Variants in OTOGL observed in about 807,000 individuals in gnomAD.
The protein encoded by OTOGL is otogelin-like protein.
OTOGL carries 285 observed loss-of-function variants against 318.5 expected under a neutral mutation model. The observed-to-expected ratio is 0.89, with a 90% CI of 0.81 to 0.99. The LOEUF is 0.99. Among genes scored for constraint, OTOGL ranks in the 50% least tolerant of loss-of-function variants. The probability of loss-of-function intolerance (pLI) is 0.00; values close to 1 mark genes in which losing one functional copy is unlikely to be tolerated. For synonymous variants in OTOGL, 987 were observed against 936.5 expected, an observed-to-expected ratio of 1.05 and a Z score of -0.99; for missense variants, 2,899 against 2,845.6, an observed-to-expected ratio of 1.02 and a Z score of -0.43.
At chr12:80,112,964 T>C (rs959270121) in intron 1 of OTOGL, among the ~76,000 whole-genome samples, 1 of 152,174 alleles carries the variant, frequency 6.6e-6, no homozygotes, top group African/African-American at 2.4e-5. Context: ...GGATTTGACT[T>C]CTTCCTGGTT....
At chr12:80,337,483 G>C (rs1300502134) in intron 42 of OTOGL, among the ~76,000 whole-genome samples, 2 of 151,854 alleles carry the variant, frequency 1.3e-5, no homozygotes, top group Non-Finnish European at 2.9e-5. Flanking sequence ...AGAAAAATAT[G>C]AAAAAATATT....
chr12:80,258,240 C>T (rs886545338), intron 18 of OTOGL, among the ~76,000 whole-genome samples: 4 of 152,066 alleles, frequency 2.6e-5, no homozygotes, highest in African/African-American at 7.2e-5. Context: ...ACTTAGCTCA[C>T]ATGTAGTGGA....
intron 19 of OTOGL, among the ~76,000 whole-genome samples, chr12:80,262,765 G>T (rs1317789444): frequency 6.6e-6 from 1 of 152,054 alleles, no homozygotes; most frequent in Non-Finnish European, 1.5e-5. Context: ...AGATACACAT[G>T]TATATATTCA....
intron 14 of OTOGL, 134 bp from the exon 15 acceptor site, chr12:80,254,390 C>T: frequency 4.4e-6 from 2 of 456,258 alleles, no homozygotes; most frequent in Admixed American, 4.1e-5. Context: ...TTATTTTTTG[C>T]AGAGATTTTT....
Position 80,336,476 on chromosome 12 carries a change from A to C in OTOGL, c.4664A>C (p.Tyr1555Ser). ...TTTGATGGAAACAACGCAGCATTAT[A>C]TAGCATGGCTTCTTATATCTTAGTA... is the stretch of plus-strand genomic sequence containing the variant. ...ITFDGNNAALYSMASYILVRI... is the reference protein window; with the variant it reads ...ITFDGNNAALSSMASYILVRI... The change falls in exon 40 of 59, where the codon TAT (tyrosine) becomes TCT (serine). Residue 1555 changes from tyrosine (Y) to serine (S), a missense_variant. Coordinates refer to ENST00000547103, the MANE Select transcript of OTOGL (RefSeq NM_001378609.3). The C allele has an allele frequency of 6.2e-7, 1 of 1,609,174 alleles. No individual in the cohort carries two copies. The highest frequency in any genetic ancestry group is 1.1e-5 in the South Asian group (1 of 90,888).
rs1453559041 is a variant in OTOGL at position 80,336,001 on chromosome 12, C to T, written c.4461C>T (p.Tyr1487=). The change falls in exon 39 of 59, where the codon TAC becomes TAT. Residue 1487 remains tyrosine (Y), a synonymous_variant. Transcript: ENST00000547103. ...ATCCTGTTTATGATTGTAGCCAATA[C>T]ATATGCCTTAATATGGAATGGCAGT... The part of the protein sequence containing the change: ...KFDPVYDCSQ[Y]ICLNMEWQLY... The T allele has an allele frequency of 1.3e-5, 21 of 1,597,370 alleles. No individual in the cohort carries two copies. Among genetic ancestry groups the T allele is most frequent in the Admixed American group, 1.7e-5 (1 of 59,716 alleles).
chr12:80,225,107 A>C (rs957991579), intron 7 of OTOGL, among the ~76,000 whole-genome samples: 1 of 152,086 alleles, frequency 6.6e-6, no homozygotes. Flanking sequence ...AAAAGAAATG[A>C]GATATATTGA....
chr12:80,282,489 T>C (rs1197546590), intron 26 of OTOGL, among the ~76,000 whole-genome samples: 1 of 151,870 alleles, frequency 6.6e-6, no homozygotes, highest in Non-Finnish European at 1.5e-5. Flanking sequence ...GGAATGGATT[T>C]GGCAGTCATA....
At chr12:80,254,850 A>G (rs540326387) in intron 15 of OTOGL, among the ~76,000 whole-genome samples, 190 bp from the exon 16 acceptor site, 10 of 152,026 alleles carry the variant, frequency 6.6e-5, no homozygotes, top group East Asian at 3.9e-4. Context: ...AATATAATTT[A>G]GTCTAGTAAG....
At chr12:80,298,643 C>T (rs545933788) in intron 27 of OTOGL, among the ~76,000 whole-genome samples, 8 of 152,126 alleles carry the variant, frequency 5.3e-5, no homozygotes, top group Non-Finnish European at 8.8e-5. Context: ...TCAGTACAGA[C>T]GAATAAACCC....
chr12:80,271,549 A>ACTC, intron 23 of OTOGL, 99 bp from the exon 24 acceptor site: 1 of 1,183,322 alleles, frequency 8.5e-7, no homozygotes, highest in South Asian at 1.8e-5. Flanking sequence ...TCAAACTCAA[A>ACTC]ATAGGTTTAG....
At chr12:80,184,254 G>GA (rs1341259875) in intron 1 of OTOGL, among the ~76,000 whole-genome samples, 1 of 152,180 alleles carries the variant, frequency 6.6e-6, no homozygotes, top group Non-Finnish European at 1.5e-5. Flanking sequence ...CAGGCTAGAT[G>GA]AAACACATTA....
intron 1 of OTOGL, among the ~76,000 whole-genome samples, chr12:80,130,744 C>T (rs1288640016): frequency 1.3e-5 from 2 of 152,162 alleles, no homozygotes; most frequent in African/African-American, 2.4e-5. Flanking sequence ...GAGAGCAGTT[C>T]TTCTTTGAAT....
At chr12:80,211,133 CTT>C (rs1877221057) in intron 3 of OTOGL, among the ~76,000 whole-genome samples, 1 of 151,782 alleles carries the variant, frequency 6.6e-6, no homozygotes. Context: ...TAAAAGGAGT[CTT>C]TGATGACTGT....
intron 7 of OTOGL, among the ~76,000 whole-genome samples, chr12:80,226,517 A>T (rs1878871471): frequency 6.6e-6 from 1 of 152,088 alleles, no homozygotes; most frequent in Admixed American, 6.6e-5. Context: ...CTCATGAGAC[A>T]ATCCTTCCTC....
chr12:80,311,094 T>C (rs934121812), intron 30 of OTOGL, among the ~76,000 whole-genome samples: 2 of 152,236 alleles, frequency 1.3e-5, no homozygotes, highest in Non-Finnish European at 2.9e-5. Context: ...TTAAAAGTAT[T>C]GCTTGTAGCA....
intron 1 of OTOGL, among the ~76,000 whole-genome samples, chr12:80,137,208 T>C (rs962287026): frequency 4.6e-5 from 7 of 152,266 alleles, no homozygotes; most frequent in Admixed American, 1.3e-4. Flanking sequence ...GTGGTATTTA[T>C]ACAAAAATGC....
chr12:80,124,149 T>C (rs1009635411), intron 1 of OTOGL, among the ~76,000 whole-genome samples: 7 of 152,250 alleles, frequency 4.6e-5, no homozygotes, highest in African/African-American at 9.6e-5. Flanking sequence ...TAGGTTTTCT[T>C]CTAGGGTTTT....
At chr12:80,221,249 T>C (rs761353093) in intron 6 of OTOGL, among the ~76,000 whole-genome samples, 23 of 151,088 alleles carry the variant, frequency 1.5e-4, no homozygotes, top group South Asian at 6.3e-4. Flanking sequence ...AGGTCATGAA[T>C]TATTAAATTC....
Sources: allele counts gnomAD v4.1 joint callset (sites outside exome capture counted in the v4.1 genomes callset), GRCh38; gene constraint gnomAD v4.1.1; transcripts MANE v1.5; gene names NCBI Gene and HGNC (gene_info 2026-07-23, HGNC 2026-07-21).